The following PPIL2 variants were observed in gnomAD, a reference collection of about 807,000 sequenced individuals.
The protein encoded by PPIL2 is RING-type E3 ubiquitin-protein ligase PPIL2.
Under a neutral mutation model 75.2 loss-of-function variants are expected in PPIL2, and 50 were observed. The observed-to-expected ratio is 0.66, with a 90% CI of 0.53 to 0.84. The LOEUF is 0.84. Ranked by LOEUF, PPIL2 falls within the 40% of genes least tolerant of loss-of-function variation. The probability of loss-of-function intolerance (pLI) is 0.00; values close to 1 mark genes in which losing one functional copy is unlikely to be tolerated. For missense variants in PPIL2, 590 were observed against 685.0 expected (o/e 0.86, Z 1.55); for synonymous variants, 245 against 258.8 (o/e 0.95, Z 0.51).
chr22:21,691,981 C>T (rs1181659475), intron 15 of PPIL2, among the ~76,000 whole-genome samples: 4 of 152,204 alleles, frequency 2.6e-5, no homozygotes, highest in South Asian at 2.1e-4. Context: ...TCTCACCAGC[C>T]GGGTTGTGGG....
intron 11 of PPIL2, 77 bp from the exon 12 acceptor site, chr22:21,686,815 C>T: frequency 7.1e-7 from 1 of 1,399,848 alleles, no homozygotes; most frequent in South Asian, 1.2e-5. Context: ...GCCTGTGTGT[C>T]TGAGGTCGGT....
chr22:21,686,418 C>A, intron 10 of PPIL2, 65 bp from the exon 11 acceptor site: 1 of 1,494,826 alleles, frequency 6.7e-7, no homozygotes, highest in South Asian at 1.1e-5. Flanking sequence ...TCTAGGCAAG[C>A]GACACGTCCC....
chr22:21,693,109 G>A (rs1255527976), intron 15 of PPIL2, among the ~76,000 whole-genome samples: 1 of 151,880 alleles, frequency 6.6e-6, no homozygotes, highest in African/African-American at 2.4e-5. Flanking sequence ...GTGCAGTGGT[G>A]TGATCTCAGC....
intron 7 of PPIL2, among the ~76,000 whole-genome samples, chr22:21,681,674 A>G (rs2067136672): frequency 6.6e-6 from 1 of 152,230 alleles, no homozygotes; most frequent in Non-Finnish European, 1.5e-5. Flanking sequence ...CGTCTTCAGC[A>G]AAGCCCAGGT....
rs145782128 is a variant in PPIL2, at chr22:21,678,982, C to T, written c.296-2317C>T. The stretch of plus-strand genomic sequence containing the variant: ...CGTGATCTCGGCTCACTGCAACCTC[C>T]GCCTCTTGGGTTCAAGCGATTCTCC... On this transcript the variant is annotated intron_variant, in intron 6 of 19. Transcript: ENST00000398831. Among the ~76,000 whole-genome samples the T allele has an allele frequency of 7.0e-3, 1,055 of 151,346 alleles. 9 individuals carry two copies. Among genetic ancestry groups the T allele is most frequent in the African/African-American group, 0.024 (996 of 41,074 alleles).
chr22:21,677,743 C>T (rs1238184439), intron 6 of PPIL2, among the ~76,000 whole-genome samples: 1 of 152,174 alleles, frequency 6.6e-6, no homozygotes, highest in Non-Finnish European at 1.5e-5. Context: ...TGAGTGCCTG[C>T]CATGTGCAGA....
intron 9 of PPIL2, among the ~76,000 whole-genome samples, chr22:21,683,861 G>C (rs1181392558): frequency 6.6e-6 from 1 of 152,200 alleles, no homozygotes; most frequent in African/African-American, 2.4e-5. Flanking sequence ...TTCACATCTG[G>C]AAAGACCCCC....
At chr22:21,684,588 C>CAGGCAGA (rs759645687) in intron 9 of PPIL2, among the ~76,000 whole-genome samples, 165 bp from the exon 10 acceptor site, 15 of 151,872 alleles carry the variant, frequency 9.9e-5, no homozygotes, top group Non-Finnish European at 1.8e-4. Flanking sequence ...CCTGGGGAGA[C>CAGGCAGA]CTTCAGGCCT....
At chr22:21,683,385 T>C in intron 9 of PPIL2, 128 bp downstream of exon 9, 1 of 756,874 alleles carries the variant, frequency 1.3e-6, no homozygotes, top group Non-Finnish European at 2.2e-6. Flanking sequence ...CTGCATTTTC[T>C]GAACTAGTGT....
intron 1 of PPIL2, 100 bp from the exon 2 acceptor site, chr22:21,669,813 T>C (rs767136861): frequency 3.4e-5 from 43 of 1,255,760 alleles, no homozygotes; most frequent in Admixed American, 1.2e-4. Context: ...AGTAGGTATT[T>C]AGTAAGCATT....
chr22:21,666,291 T>C (rs1412405523), intron 1 of PPIL2, among the ~76,000 whole-genome samples, 160 bp downstream of exon 1: 3 of 152,096 alleles, frequency 2.0e-5, no homozygotes, highest in Non-Finnish European at 4.4e-5. Flanking sequence ...GTCAGGGTAA[T>C]GACCCTCGGG....
Position 21,686,477 on chromosome 22 carries a change from T to C in PPIL2, c.715-6T>C. The C allele has an allele frequency of 6.2e-7, 1 of 1,613,978 alleles. No homozygotes were observed. Among genetic ancestry groups the C allele is most frequent in the Non-Finnish European group, 8.5e-7 (1 of 1,179,896 alleles). On this transcript the variant is annotated splice_region_variant and splice_polypyrimidine_tract_variant and intron_variant, in intron 10 of 19. Transcript: ENST00000398831. ...TGCTGAGGTGCCACCCTGGTTTCCT[T>C]GGCAGGCCCACTATTCCACAGGGAA...
In PPIL2 at chr22:21,696,798, T is replaced by G; in HGVS notation, c.*1308T>G. 4 of 1,550,768 alleles carry G rather than the reference T, an allele frequency of 2.6e-6. No individual in the cohort carries two copies. The highest frequency in any genetic ancestry group is 3.5e-6 in the Non-Finnish European group (4 of 1,147,796). ...TCCTTTTCTCATCAATCACTGATGC[T>G]GAAGCTGCAGGCCTGAGCCCTTTGT... On this transcript the variant is annotated 3_prime_UTR_variant, in exon 20 of 20. Coordinates refer to ENST00000398831, the MANE Select transcript of PPIL2 (RefSeq NM_014337.4).
intron 12 of PPIL2, among the ~76,000 whole-genome samples, chr22:21,687,333 C>G (rs1441777668): frequency 3.3e-5 from 5 of 152,150 alleles, no homozygotes; most frequent in Non-Finnish European, 7.4e-5. Context: ...GGCTGGGCAG[C>G]TGACTCTGCT....
At position 21,686,643 on chromosome 22, in the gene PPIL2, GGTCT is replaced by G. The variant is rs919060259; in HGVS notation, c.790+89_790+92del. On this transcript the variant is annotated intron_variant, in intron 11 of 19. Transcript: ENST00000398831. ...TGTGCTCCCCGACTCCCACTTTATT[GGTCT>G]GTCAGGGGCTCCCACTGTCACCTGA... is the stretch of plus-strand genomic sequence containing the variant. 9.5e-6 allele frequency: 13 copies of G among 1,364,586 alleles called. No individual in the cohort carries two copies. The African/African-American group carries it at 1.1e-4, about 12-fold the overall frequency. The allele number at this position is 1,364,586 out of a possible 1,614,324, so 84.5% of individuals were successfully genotyped here.
chr22:21,677,168 T>A lies in PPIL2; in HGVS notation c.295+2053T>A, dbSNP rs2066905267. Among the ~76,000 whole-genome samples the A allele has an allele frequency of 2.0e-5, 3 of 148,122 alleles. No homozygotes were observed. In the South Asian group the frequency reaches 6.5e-4, roughly 32 times the overall value. On this transcript the variant is annotated intron_variant, in intron 6 of 19. Coordinates refer to ENST00000398831, the MANE Select transcript of PPIL2 (RefSeq NM_014337.4). Reference sequence around the variant, plus strand: ...GCCGGGCGGAGGGGCTCCTCACTTCTCAGACGGGGCGGCCAGGCAGAGACA... The same window carrying A: ...GCCGGGCGGAGGGGCTCCTCACTTCACAGACGGGGCGGCCAGGCAGAGACA...
rs2067211027 is a variant in PPIL2 at position 21,683,354 on chromosome 22, G to C, written c.553+97G>C. On this transcript the variant is annotated intron_variant, in intron 9 of 19. Coordinates refer to ENST00000398831, the MANE Select transcript of PPIL2 (RefSeq NM_014337.4). ...AGCCCCCGCTTTCCTGGAGGTCAGG[G>C]GGTCCCAGCCCAGACAGGCCCTGCA... 2.5e-5 allele frequency: 27 copies of C among 1,093,262 alleles called. No individual in the cohort carries two copies. The South Asian group carries it at 3.4e-4, about 14-fold the overall frequency. 67.7% of individuals were successfully genotyped at this position (1,093,262 alleles called of 1,614,324 possible).
In PPIL2 at chr22:21,696,936, A is replaced by T. The variant is rs577678216; in HGVS notation, c.*1446A>T. 6.3e-7 allele frequency: 1 copy of T among 1,584,530 alleles called. No homozygotes were observed. Among genetic ancestry groups the T allele is most frequent in the East Asian group, 2.3e-5 (1 of 43,428 alleles). ...TCTGCCCCTCGTCACCCTGCTGCAC[A>T]CCAATCTGTGGCCCTTCATCATGCT... On this transcript the variant is annotated 3_prime_UTR_variant, in exon 20 of 20. Coordinates refer to ENST00000398831, the MANE Select transcript of PPIL2 (RefSeq NM_014337.4).
At chr22:21,683,022 G>A (rs2067196911) in intron 8 of PPIL2, among the ~76,000 whole-genome samples, 160 bp from the exon 9 acceptor site, 1 of 151,984 alleles carries the variant, frequency 6.6e-6, no homozygotes, top group Non-Finnish European at 1.5e-5. Context: ...CCCTGCCTGG[G>A]GCAGACCACC....
Sources: allele counts gnomAD v4.1 joint callset (sites outside exome capture counted in the v4.1 genomes callset), GRCh38; gene constraint gnomAD v4.1.1; transcripts MANE v1.5; gene names NCBI Gene and HGNC (gene_info 2026-07-23, HGNC 2026-07-21).